Variants in PARP2 observed in about 807,000 individuals in gnomAD.
The protein encoded by PARP2 is poly [ADP-ribose] polymerase 2.
PARP2 carries 57 observed loss-of-function variants against 77.8 expected under a neutral mutation model. The observed-to-expected ratio is 0.73, with a 90% CI of 0.59 to 0.91. PARP2 has a LOEUF of 0.91. Ranked by LOEUF, PARP2 falls within the 40% of genes least tolerant of loss-of-function variation. The pLI is 0.00. For missense variants in PARP2, 651 were observed against 689.0 expected, an observed-to-expected ratio of 0.94 and a Z score of 0.62; for synonymous variants, 226 against 242.6, an observed-to-expected ratio of 0.93 and a Z score of 0.64.
chr14:20,347,356 G>GTGTGTGTGTATATATA (rs1168423656), intron 4 of PARP2, among the ~76,000 whole-genome samples: 1 of 29,562 alleles, frequency 3.4e-5, no homozygotes, highest in Non-Finnish European at 5.4e-5. Context: ...ATGTGTGTGT[G>GTGTGTGTGTATATATA]TATATATATA....
At chr14:20,345,235 A>C in intron 2 of PARP2, 148 bp downstream of exon 2, 1 of 1,022,642 alleles carries the variant, frequency 9.8e-7, no homozygotes, top group Non-Finnish European at 1.5e-6. Flanking sequence ...GCACTAATCT[A>C]CTGCCTTGAA....
Position 20,352,259 on chromosome 14 carries a change from C to A in PARP2, c.512C>A (p.Thr171Lys), listed in dbSNP as rs778767947. 12 of 1,610,588 alleles carry A rather than the reference C, an allele frequency of 7.5e-6. No homozygotes were observed. The highest frequency in any genetic ancestry group is 1.7e-4 in the Middle Eastern group (1 of 6,048). ...EIFQKKFLDKTKNNWEDREKF... is the reference protein window; with the variant it reads ...EIFQKKFLDKKKNNWEDREKF... Reference sequence around the variant, plus strand: ...GGACTCTACAGATTCCTTGACAAAACGAAAAACAATTGGGAAGATCGAGAA... The same window carrying A: ...GGACTCTACAGATTCCTTGACAAAAAGAAAAACAATTGGGAAGATCGAGAA... The change falls in exon 7 of 16, where the codon ACG (threonine) becomes AAG (lysine). Residue 171 changes from threonine (T) to lysine (K), a missense_variant. By Grantham distance (78) the Thr-to-Lys change is moderately conservative. Coordinates refer to ENST00000429687, the MANE Select transcript of PARP2 (RefSeq NM_001042618.2).
chr14:20,357,599 CA>C (rs944196499), intron 15 of PARP2, 38 bp from the exon 16 acceptor site: 2 of 1,606,928 alleles, frequency 1.2e-6, no homozygotes, highest in African/African-American at 2.7e-5. Flanking sequence ...GCTTCTGAAC[CA>C]GAGACTGATG....
intron 11 of PARP2, 76 bp from the exon 12 acceptor site, chr14:20,356,226 TATATC>T (rs3093932): frequency 0.018 from 27,315 of 1,535,432 alleles, 303 homozygotes; most frequent in Non-Finnish European, 0.022. Flanking sequence ...TCTGCCAAGT[TATATC>T]AGAATCCCCA....
intron 3 of PARP2, among the ~76,000 whole-genome samples, chr14:20,346,321 CTTTTTTTTTTT>C (rs71108595): frequency 7.7e-5 from 7 of 90,860 alleles, no homozygotes; most frequent in South Asian, 8.7e-4. Flanking sequence ...CAGTTAGAAT[CTTTTTTTTTTT>C]TTTTTTTTTT....
At position 20,351,345 on chromosome 14, in the gene PARP2, A is replaced by AT. The variant is rs748599696; in HGVS notation, c.497+228dup. Among the ~76,000 whole-genome samples, 3 of 151,396 alleles carry AT rather than the reference A, an allele frequency of 2.0e-5. 1 individual carries two copies. Among genetic ancestry groups the AT allele is most frequent in the South Asian group, 4.2e-4 (2 of 4,776 alleles). ...AGGCGCCCACCACCACGCCCAGCTA[A>AT]TTTTTGTATTTTTAATAGAGATGGG... On this transcript the variant is annotated intron_variant, in intron 6 of 15. Transcript: ENST00000429687.
At chr14:20,344,077 A>G (rs1883615531) in intron 1 of PARP2, among the ~76,000 whole-genome samples, 1 of 152,246 alleles carries the variant, frequency 6.6e-6, no homozygotes, top group Non-Finnish European at 1.5e-5. Flanking sequence ...TGCGAGTCTT[A>G]GACCTATTGA....
intron 4 of PARP2, among the ~76,000 whole-genome samples, chr14:20,348,938 G>A (rs918457408): frequency 6.6e-6 from 1 of 152,024 alleles, no homozygotes; most frequent in African/African-American, 2.4e-5. Context: ...AGAATTGCTT[G>A]AACCTGGGAG....
At chr14:20,349,557 C>T (rs1471482040) in intron 4 of PARP2, among the ~76,000 whole-genome samples, 1 of 151,848 alleles carries the variant, frequency 6.6e-6, no homozygotes, top group African/African-American at 2.4e-5. Flanking sequence ...CCTGTAATCC[C>T]AGCTACTAGG....
chr14:20,343,677 C>T lies in PARP2; in HGVS notation c.36C>T (p.Gly12=), dbSNP rs1301912906. The change falls in exon 1 of 16, where the codon GGC becomes GGT. Residue 12 remains glycine, a synonymous_variant. Transcript: ENST00000429687. ...AARRRRSTGG[G]RARALNESKR... ...GGCGGCGACGGAGCACCGGCGGCGG[C>T]AGGGCGAGAGGTTCGGAGCTCAATA... The T allele has an allele frequency of 6.2e-7, 1 of 1,609,696 alleles. No homozygotes were observed. The highest frequency in any genetic ancestry group is 2.2e-5 in the East Asian group (1 of 44,636).
chr14:20,355,105 C>T, intron 9 of PARP2, 158 bp downstream of exon 9: 3 of 657,292 alleles, frequency 4.6e-6, no homozygotes, highest in East Asian at 5.7e-5. Flanking sequence ...CCTATTTAAT[C>T]AGCTTACAAA....
chr14:20,353,181 A>G lies in PARP2; in HGVS notation c.600+834A>G, dbSNP rs146018415. Among the ~76,000 whole-genome samples the G allele has an allele frequency of 6.4e-3, 957 of 150,426 alleles. 14 individuals carry two copies. The highest frequency in any genetic ancestry group is 0.022 in the African/African-American group (895 of 40,922). The stretch of plus-strand genomic sequence containing the variant: ...AGGCGTGAGCCATCACGCCCGGCCT[A>G]CTAAGTTTCTTATAAAATCTTAGGC... On this transcript the variant is annotated intron_variant, in intron 7 of 15. Coordinates refer to ENST00000429687, the MANE Select transcript of PARP2 (RefSeq NM_001042618.2).
intron 1 of PARP2, 70 bp downstream of exon 1, chr14:20,343,757 G>C: frequency 2.0e-6 from 3 of 1,490,276 alleles, no homozygotes; most frequent in Non-Finnish European, 2.8e-6. Context: ...GCCACCTACT[G>C]TGACCCCCTT....
chr14:20,352,318 C>T lies in PARP2; in HGVS notation c.571C>T (p.Leu191=). ...GAAGGTGCCTGGAAAATATGATATG[C>T]TACAGATGGACTATGCCACCAATAC... is the stretch of plus-strand genomic sequence containing the variant. ...FEKVPGKYDM[L]QMDYATNTQD... is the part of the protein sequence containing the mutation. The change falls in exon 7 of 16, where the codon CTA becomes TTA. Residue 191 remains leucine (L), a synonymous_variant. Coordinates refer to ENST00000429687, the MANE Select transcript of PARP2 (RefSeq NM_001042618.2). The T allele has an allele frequency of 6.2e-7, 1 of 1,605,512 alleles. No homozygotes were observed. The highest frequency in any genetic ancestry group is 8.5e-7 in the Non-Finnish European group (1 of 1,172,124).
chr14:20,349,313 C>G (rs926567552), intron 4 of PARP2, among the ~76,000 whole-genome samples: 1 of 151,832 alleles, frequency 6.6e-6, no homozygotes, highest in African/African-American at 2.4e-5. Flanking sequence ...GAGGGAGACC[C>G]TATCTCAAAA....
At position 20,354,923 on chromosome 14, in the gene PARP2, A is replaced by AT; in HGVS notation, c.878_879insT (p.Thr294HisfsTer6). ...CTCATGGAAGCATGCAATGAATTCT[A>AT]CACCAGGATTCCGCATGACTTTGGG... On this transcript the variant is annotated frameshift_variant, in exon 9 of 16. Coordinates refer to ENST00000429687, the MANE Select transcript of PARP2 (RefSeq NM_001042618.2). LOFTEE classifies it high-confidence loss of function. 1 of 1,613,990 alleles carries AT rather than the reference A, an allele frequency of 6.2e-7. No individual in the cohort carries two copies. The highest frequency in any genetic ancestry group is 1.1e-5 in the South Asian group (1 of 91,064).
intron 11 of PARP2, 63 bp downstream of exon 11, chr14:20,356,094 G>A (rs1884139453): frequency 1.3e-6 from 2 of 1,563,434 alleles, no homozygotes; most frequent in South Asian, 1.2e-5. Flanking sequence ...CCATCCCACT[G>A]TTCTCTAACT....
chr14:20,350,625 A>T lies in PARP2; in HGVS notation c.421+3A>T. On this transcript the variant is annotated splice_donor_region_variant and intron_variant, in intron 5 of 15. Transcript: ENST00000429687. ...TGTTTGGATGAGATGGGGCCGAGGT[A>T]ATGATTTTTATTGAGATTTTATGAG... 7 of 1,574,010 alleles carry T rather than the reference A, an allele frequency of 4.4e-6. No homozygotes were observed. The highest frequency in any genetic ancestry group is 6.1e-6 in the Non-Finnish European group (7 of 1,143,792).
rs763913279 is a variant in PARP2, at chr14:20,355,794, A to C, written c.945A>C (p.Ser315=). The C allele has an allele frequency of 1.2e-6, 2 of 1,613,930 alleles. No individual in the cohort carries two copies. ...TAATCCGGACACAGAAGGAACTGTC[A>C]GAAAAAATACAATTACTAGAGGTGA... is the stretch of plus-strand genomic sequence containing the variant. ...PPLIRTQKEL[S]EKIQLLEALG... is the part of the protein sequence containing the mutation. Residue 315 remains serine (S), a synonymous_variant, in exon 10 of 16, where the codon TCA becomes TCC. Coordinates refer to ENST00000429687, the MANE Select transcript of PARP2 (RefSeq NM_001042618.2).
Sources: gnomAD v4.1 joint callset for allele counts (sites outside exome capture counted in the v4.1 genomes callset) on GRCh38, gnomAD v4.1.1 for gene constraint, MANE v1.5 for transcripts, NCBI Gene and HGNC (gene_info 2026-07-23, HGNC 2026-07-21) for gene names.